DPP6: variants seen among roughly 807,000 people sequenced by gnomAD.
The protein encoded by DPP6 is dipeptidyl peptidase like 6.
A neutral mutation model predicts 122.6 loss-of-function variants in DPP6; 69 were observed. The observed-to-expected ratio is 0.56, with a 90% CI of 0.46 to 0.69. The LOEUF (loss-of-function observed/expected upper bound fraction) is 0.69. Ranked by LOEUF, DPP6 falls within the 30% of genes least tolerant of loss-of-function variation. The probability of loss-of-function intolerance (pLI) is 0.00; values close to 1 mark genes in which losing one functional copy is unlikely to be tolerated. For synonymous variants in DPP6, 418 were observed against 433.1 expected (o/e 0.97, Z 0.43); for missense variants, 928 against 1,116.9 (o/e 0.83, Z 2.41).
chr7:154,420,052 A>G (rs1817334637), intron 1 of DPP6, among the ~76,000 whole-genome samples: 1 of 152,136 alleles, frequency 6.6e-6, no homozygotes, highest in Non-Finnish European at 1.5e-5. Flanking sequence ...CAAGAGAAGG[A>G]GAAGGCCGGC....
chr7:153,783,297 C>T, the DPP6 span, among the ~76,000 whole-genome samples: 1 of 152,120 alleles, frequency 6.6e-6, no homozygotes, highest in African/African-American at 2.4e-5. Context: ...ACAATCATGG[C>T]GGAAGACACC....
chr7:154,648,143 C>G (rs1836620824), intron 6 of DPP6, among the ~76,000 whole-genome samples: 1 of 151,764 alleles, frequency 6.6e-6, no homozygotes. Flanking sequence ...GCCTGTAATC[C>G]CAGCTACCTG....
chr7:154,558,850 T>C (rs959385791), intron 4 of DPP6, among the ~76,000 whole-genome samples: 1 of 152,214 alleles, frequency 6.6e-6, no homozygotes, highest in Non-Finnish European at 1.5e-5. Flanking sequence ...CCTTAAAACA[T>C]CTTTTTTAAA....
chr7:154,055,204 G>T (rs868094735), intron 1 of DPP6, among the ~76,000 whole-genome samples: 21 of 141,982 alleles, frequency 1.5e-4, no homozygotes, highest in African/African-American at 5.5e-4. Flanking sequence ...CCCATTATCT[G>T]CACATATATA....
intron 8 of DPP6, among the ~76,000 whole-genome samples, chr7:154,767,649 T>C (rs370825932): frequency 6.6e-6 from 1 of 152,166 alleles, no homozygotes; most frequent in African/African-American, 2.4e-5. Flanking sequence ...GGGAAGGGGA[T>C]GCTAGAGGCG....
the DPP6 span, among the ~76,000 whole-genome samples, chr7:153,786,250 T>A: frequency 8.3e-6 from 1 of 120,174 alleles, no homozygotes; most frequent in Admixed American, 7.8e-5. Flanking sequence ...ACCCTTCTGT[T>A]GGTGGTTTTA....
At chr7:154,431,476 CTTTTCTTTTCT>C (rs1563659653) in intron 1 of DPP6, among the ~76,000 whole-genome samples, 1 of 18,846 alleles carries the variant, frequency 5.3e-5, no homozygotes, top group Non-Finnish European at 9.1e-5. Context: ...CTTTTCTTTT[CTTTTCTTTTCT>C]TTTCTTTTCT....
chr7:154,051,429 CG>C (rs1800307303), upstream of DPP6, among the ~76,000 whole-genome samples: 2 of 151,126 alleles, frequency 1.3e-5, no homozygotes, highest in Non-Finnish European at 3.0e-5. Context: ...AGAAGGGAGC[CG>C]GGGAGGACGC....
At chr7:153,971,579 G>T (rs552315127) in intron 1 of DPP6, among the ~76,000 whole-genome samples, 1 of 131,258 alleles carries the variant, frequency 7.6e-6, no homozygotes, top group African/African-American at 2.6e-5. Flanking sequence ...ATATCATTTG[G>T]CAGATATCTT....
chr7:153,995,920 G>A (rs1047947672), intron 1 of DPP6, among the ~76,000 whole-genome samples: 2 of 152,168 alleles, frequency 1.3e-5, no homozygotes, highest in African/African-American at 2.4e-5. Flanking sequence ...TATGGCATTT[G>A]TTGACCAAGC....
intron 1 of DPP6, among the ~76,000 whole-genome samples, chr7:153,895,728 GCACACACACACACACACA>G (rs10599371): frequency 4.0e-5 from 6 of 149,832 alleles, no homozygotes; most frequent in Non-Finnish European, 8.9e-5. Flanking sequence ...GTGCATGCGT[GCACACACACACACACACA>G]CACACACACA....
intron 1 of DPP6, among the ~76,000 whole-genome samples, chr7:154,329,081 T>C (rs1246432932): frequency 6.6e-6 from 1 of 152,270 alleles, no homozygotes; most frequent in African/African-American, 2.4e-5. Context: ...GTTTTAGCCC[T>C]ACTTATCTCT....
At chr7:154,575,159 T>C (rs1831480602) in intron 5 of DPP6, among the ~76,000 whole-genome samples, 1 of 138,438 alleles carries the variant, frequency 7.2e-6, no homozygotes, top group Admixed American at 7.2e-5. Context: ...GTGTGGTCTG[T>C]GTGTATGTGT....
At chr7:153,988,185 C>T (rs753679654) in intron 1 of DPP6, among the ~76,000 whole-genome samples, 2 of 152,082 alleles carry the variant, frequency 1.3e-5, no homozygotes, top group Non-Finnish European at 1.5e-5. Flanking sequence ...GGGAGGGCGT[C>T]GAGGGTGATG....
chr7:154,826,352 T>G (rs1406489663), intron 16 of DPP6, among the ~76,000 whole-genome samples: 1 of 152,226 alleles, frequency 6.6e-6, no homozygotes, highest in Admixed American at 6.5e-5. Flanking sequence ...ATATTAAAAA[T>G]GTACTCCCTG....
Position 154,241,506 on chromosome 7 carries a change from G to T in DPP6, c.243+188443G>T, listed in dbSNP as rs1024953224. Among the ~76,000 whole-genome samples, 2 of 152,006 alleles carry T rather than the reference G, an allele frequency of 1.3e-5. No homozygotes were observed. Among genetic ancestry groups the T allele is most frequent in the African/African-American group, 4.8e-5 (2 of 41,374 alleles). On this transcript the variant is annotated intron_variant, in intron 1 of 25. Coordinates refer to ENST00000377770, the MANE Select transcript of DPP6 (RefSeq NM_130797.4). The surrounding 1 kb of genome is among the most constrained non-coding windows in gnomAD (Gnocchi z 9.0). ...ACCCAGGAGAAGGAGGTTGCAGTGA[G>T]TTGTGGTCACTCCACTGCACTGCAG...
intron 1 of DPP6, among the ~76,000 whole-genome samples, chr7:154,379,296 A>G (rs1813391396): frequency 6.6e-6 from 1 of 152,136 alleles, no homozygotes; most frequent in Admixed American, 6.6e-5. Flanking sequence ...TTACCCCACA[A>G]AAATTGATCA....
intron 6 of DPP6, among the ~76,000 whole-genome samples, chr7:154,639,938 G>T (rs113058782): frequency 6.6e-6 from 1 of 152,046 alleles, no homozygotes; most frequent in Non-Finnish European, 1.5e-5. Flanking sequence ...GAGTCTCAGC[G>T]TAAGTCAGGC....
chr7:153,857,317 A>G, the DPP6 span, among the ~76,000 whole-genome samples: 1 of 61,404 alleles, frequency 1.6e-5, no homozygotes, highest in Admixed American at 1.5e-4. Context: ...TAGAACTCAA[A>G]GGTTTTCTCT....
Sources: gnomAD v4.1 joint callset for allele counts (sites outside exome capture counted in the v4.1 genomes callset) on GRCh38, gnomAD v4.1.1 for gene constraint, Gnocchi (gnomAD v3.1) non-coding constraint, MANE v1.5 for transcripts, NCBI Gene and HGNC (gene_info 2026-07-23, HGNC 2026-07-21) for gene names.